Variants in CTNND2 observed in about 807,000 individuals in gnomAD.
CTNND2 encodes catenin delta-2.
A neutral mutation model predicts 144.4 loss-of-function variants in CTNND2; 22 were observed. The observed-to-expected ratio is 0.15, with a 90% confidence interval of 0.11 to 0.22. The LOEUF (loss-of-function observed/expected upper bound fraction) is 0.22, where lower values mean the gene tolerates loss of function less well. Ranked by LOEUF, CTNND2 falls within the 10% of genes least tolerant of loss-of-function variation. The pLI is 1.00. For missense variants in CTNND2, 1,353 were observed against 1,618.8 expected (o/e 0.84, Z 2.82); for synonymous variants, 751 against 695.6 (o/e 1.08, Z -1.25).
At chr5:11,689,971 C>G (rs1468397859) in intron 2 of CTNND2, among the ~76,000 whole-genome samples, 1 of 152,198 alleles carries the variant, frequency 6.6e-6, no homozygotes, top group Non-Finnish European at 1.5e-5. Flanking sequence ...CCTTCCTACA[C>G]AGTACTGTGA....
chr5:11,071,687 G>C (rs760561868), intron 16 of CTNND2, among the ~76,000 whole-genome samples: 14 of 145,246 alleles, frequency 9.6e-5, no homozygotes, highest in Non-Finnish European at 1.9e-4. Context: ...TGATGTGGGA[G>C]GGGGGAGTGC....
intron 1 of CTNND2, among the ~76,000 whole-genome samples, chr5:11,871,046 A>G (rs1280610894): frequency 1.3e-5 from 2 of 152,156 alleles, no homozygotes; most frequent in African/African-American, 4.8e-5. Context: ...GCTTCCATGA[A>G]TGGGATTTGC....
At chr5:11,151,046 C>A (rs544360542) in intron 12 of CTNND2, among the ~76,000 whole-genome samples, 1 of 152,320 alleles carries the variant, frequency 6.6e-6, no homozygotes, top group South Asian at 2.1e-4. Context: ...GGGCATGGCC[C>A]CACGTGGACT....
chr5:11,288,088 A>G (rs1747935392), intron 9 of CTNND2, among the ~76,000 whole-genome samples: 1 of 152,216 alleles, frequency 6.6e-6, no homozygotes, highest in Non-Finnish European at 1.5e-5. Context: ...ATGCATTCTA[A>G]GTTATTAAAC....
intron 18 of CTNND2, among the ~76,000 whole-genome samples, chr5:10,998,017 C>G (rs1305795709): frequency 6.6e-6 from 1 of 152,220 alleles, no homozygotes; most frequent in Non-Finnish European, 1.5e-5. Flanking sequence ...GATGTTTAGA[C>G]TATACTGCAA....
rs1785074974 is a variant in CTNND2 at position 11,694,897 on chromosome 5, C to T, written c.174+37239G>A. The stretch of plus-strand genomic sequence containing the variant: ...TTCATTCCAATGGAGACTAAATACA[C>T]AACAGGACTTGGAACCCCAATGTGT... On this transcript the variant is annotated intron_variant, in intron 2 of 21. Transcript: ENST00000304623. 2.0e-5 allele frequency among the ~76,000 whole-genome samples: 3 copies of T among 152,202 alleles called. No individual in the cohort carries two copies. The South Asian group carries it at 6.2e-4, about 31-fold the overall frequency.
intron 15 of CTNND2, among the ~76,000 whole-genome samples, chr5:11,084,429 C>G (rs974866371): frequency 6.6e-6 from 1 of 152,198 alleles, no homozygotes; most frequent in African/African-American, 2.4e-5. Flanking sequence ...GCCTGGAAAT[C>G]TGAGCTTATG....
At chr5:11,250,456 G>GCTCTCTCTCTCTCT (rs71595810) in intron 9 of CTNND2, among the ~76,000 whole-genome samples, 14 of 73,194 alleles carry the variant, frequency 1.9e-4, no homozygotes, top group Admixed American at 7.9e-4. Context: ...TTTAAAGGGT[G>GCTCTCTCTCTCTCT]CTCTCTCTCT....
chr5:11,288,521 A>C (rs367932658), intron 9 of CTNND2, among the ~76,000 whole-genome samples: 48 of 152,280 alleles, frequency 3.2e-4, no homozygotes, highest in African/African-American at 1.1e-3. Flanking sequence ...CTGTATCATA[A>C]ACCTATACCG....
rs139739613 is a variant in CTNND2 at position 11,815,001 on chromosome 5, A to G, written c.38-82729T>C. ...TATTTTTAAGATCTTTTCTTATTTC[A>G]TAAGATTCTCATTAGTGAGAATTTT... is the stretch of plus-strand genomic sequence containing the variant. On this transcript the variant is annotated intron_variant, in intron 1 of 21. Transcript: ENST00000304623. Among the ~76,000 whole-genome samples the G allele has an allele frequency of 4.7e-3, 720 of 152,346 alleles. 2 individuals carry two copies. Among genetic ancestry groups the G allele is most frequent in the African/African-American group, 0.016 (683 of 41,580 alleles).
At chr5:11,499,025 G>C (rs958885757) in intron 3 of CTNND2, among the ~76,000 whole-genome samples, 7 of 151,898 alleles carry the variant, frequency 4.6e-5, no homozygotes, top group Non-Finnish European at 7.4e-5. Context: ...TTCTGTGCAG[G>C]GTGTTTTAAA....
At chr5:10,985,784 CAT>C (rs1259379251) in intron 20 of CTNND2, among the ~76,000 whole-genome samples, 1 of 152,194 alleles carries the variant, frequency 6.6e-6, no homozygotes, top group African/African-American at 2.4e-5. Context: ...CATTTGCTAA[CAT>C]CCTGCAAGGT....
intron 3 of CTNND2, among the ~76,000 whole-genome samples, chr5:11,420,519 G>A (rs1762282465): frequency 6.6e-6 from 1 of 152,152 alleles, no homozygotes; most frequent in Admixed American, 6.5e-5. Context: ...CAAGTACTGT[G>A]AAAGTGTAAC....
At chr5:11,562,757 T>C (rs1337120747) in intron 3 of CTNND2, among the ~76,000 whole-genome samples, 1 of 152,240 alleles carries the variant, frequency 6.6e-6, no homozygotes, top group African/African-American at 2.4e-5. Context: ...AACTGATGTA[T>C]TTTATTCAAG....
At chr5:11,492,501 A>G (rs977344178) in intron 3 of CTNND2, among the ~76,000 whole-genome samples, 8 of 124,568 alleles carry the variant, frequency 6.4e-5, no homozygotes, top group Non-Finnish European at 1.3e-4. Context: ...CTATATATAT[A>G]TATATGTGTG....
In CTNND2 at chr5:11,719,822, G is replaced by T. The variant is rs188558641; in HGVS notation, c.174+12314C>A. 4.3e-4 allele frequency among the ~76,000 whole-genome samples: 57 copies of T among 132,870 alleles called. 1 individual carries two copies. In the East Asian group the frequency reaches 0.011, roughly 25 times the overall value. The allele number at this position is 132,870 out of a possible 152,430, so 87.2% of individuals were successfully genotyped here. A position where few individuals can be genotyped will look rare whatever the true frequency, so the allele number is the denominator to read the frequency against. ...ACTTCTCTCTTTGAATTTGTGGGTA[G>T]CTCTGACATATACACACACACACAC... On this transcript the variant is annotated intron_variant, in intron 2 of 21. Coordinates refer to ENST00000304623, the MANE Select transcript of CTNND2 (RefSeq NM_001332.4).
At chr5:11,790,946 T>TGGTTCAAA (rs2126868148) in intron 1 of CTNND2, among the ~76,000 whole-genome samples, 1 of 152,194 alleles carries the variant, frequency 6.6e-6, no homozygotes. Context: ...CAGACATAAC[T>TGGTTCAAA]GGTTCAAATG....
intron 12 of CTNND2, among the ~76,000 whole-genome samples, chr5:11,123,864 G>A (rs957445011): frequency 1.3e-5 from 2 of 152,202 alleles, no homozygotes; most frequent in African/African-American, 4.8e-5. Flanking sequence ...TGTGCTATGT[G>A]ATGTATAGAC....
At chr5:11,388,344 C>T (rs1362385666) in intron 6 of CTNND2, among the ~76,000 whole-genome samples, 1 of 152,216 alleles carries the variant, frequency 6.6e-6, no homozygotes, top group Non-Finnish European at 1.5e-5. Context: ...TCAATCCGTA[C>T]TGCTCAATAT....
Sources: allele counts gnomAD v4.1 joint callset (sites outside exome capture counted in the v4.1 genomes callset), GRCh38; gene constraint gnomAD v4.1.1; transcripts MANE v1.5; gene names NCBI Gene and HGNC (gene_info 2026-07-23, HGNC 2026-07-21).